The following EYS variants were observed in gnomAD, a reference collection of about 807,000 sequenced individuals.
EYS encodes the protein EGF-like photoreceptor maintenance factor.
A neutral mutation model predicts 282.1 loss-of-function variants in EYS; 250 were observed. That is an observed-to-expected ratio of 0.89 (90% CI 0.80 to 0.98). The LOEUF is 0.98. Among genes scored for constraint, EYS ranks in the 50% least tolerant of loss-of-function variants. The pLI is 0.00. For synonymous variants in EYS, 1,355 were observed against 1,282.9 expected (o/e 1.06, Z -1.20); for missense variants, 4,016 against 3,709.0 (o/e 1.08, Z -2.15).
chr6:65,456,536 T>A (rs1472234385), intron 5 of EYS, among the ~76,000 whole-genome samples: 1 of 152,056 alleles, frequency 6.6e-6, no homozygotes, highest in African/African-American at 2.4e-5. Flanking sequence ...ACAATTATTT[T>A]ATAATTATAA....
intron 28 of EYS, among the ~76,000 whole-genome samples, chr6:64,410,937 G>T (rs909981285): frequency 1.3e-5 from 2 of 152,122 alleles, no homozygotes; most frequent in East Asian, 1.9e-4. Context: ...AAAATTTTTA[G>T]TTGGGTAGTA....
At chr6:65,208,086 G>A (rs1267602261) in intron 12 of EYS, among the ~76,000 whole-genome samples, 1 of 151,544 alleles carries the variant, frequency 6.6e-6, no homozygotes, top group Non-Finnish European at 1.5e-5. Flanking sequence ...CCTGCAGAAT[G>A]GGAGAAAGTA....
At chr6:64,674,446 A>C (rs1349380790) in intron 22 of EYS, among the ~76,000 whole-genome samples, 2 of 152,076 alleles carry the variant, frequency 1.3e-5, no homozygotes, top group Non-Finnish European at 2.9e-5. Context: ...GGAAAAGTAC[A>C]ATTACTGTCA....
intron 2 of EYS, among the ~76,000 whole-genome samples, chr6:65,532,570 T>C (rs983480101): frequency 3.3e-5 from 5 of 152,072 alleles, no homozygotes; most frequent in African/African-American, 1.2e-4. Context: ...TCAAGCTAGG[T>C]ATAAAAATTG....
At chr6:65,001,952 A>G (rs1296946938) in intron 13 of EYS, among the ~76,000 whole-genome samples, 1 of 147,076 alleles carries the variant, frequency 6.8e-6, no homozygotes, top group Non-Finnish European at 1.5e-5. Flanking sequence ...TGGTTTCAAA[A>G]TTTTAATAGG....
intron 2 of EYS, among the ~76,000 whole-genome samples, chr6:65,610,520 G>A (rs181971698): frequency 4.6e-5 from 7 of 152,066 alleles, no homozygotes; most frequent in Admixed American, 2.0e-4. Context: ...GTCAAAAGGT[G>A]CATTTTTTCA....
chr6:64,345,294 C>T (rs1771338477), intron 29 of EYS, among the ~76,000 whole-genome samples: 1 of 152,146 alleles, frequency 6.6e-6, no homozygotes, highest in Non-Finnish European at 1.5e-5. Flanking sequence ...TACCTGACTT[C>T]AAACTATACT....
chr6:63,756,382 T>C (rs1436022757), intron 41 of EYS, among the ~76,000 whole-genome samples: 2 of 152,144 alleles, frequency 1.3e-5, no homozygotes, highest in Non-Finnish European at 2.9e-5. Flanking sequence ...TTTTGAGATA[T>C]TCATGTGGTT....
At chr6:65,054,488 G>A (rs1355189561) in intron 13 of EYS, among the ~76,000 whole-genome samples, 1 of 151,842 alleles carries the variant, frequency 6.6e-6, no homozygotes, top group African/African-American at 2.4e-5. Flanking sequence ...CATTCACGTG[G>A]TCTCATCTAC....
chr6:64,799,719 T>C (rs1166038190), intron 22 of EYS, among the ~76,000 whole-genome samples: 1 of 150,878 alleles, frequency 6.6e-6, no homozygotes, highest in Non-Finnish European at 1.5e-5. Context: ...TGTCTGTATC[T>C]CTCTATCTCA....
intron 35 of EYS, among the ~76,000 whole-genome samples, chr6:63,900,072 G>A (rs184847229): frequency 2.6e-5 from 4 of 152,126 alleles, no homozygotes; most frequent in Non-Finnish European, 4.4e-5. Context: ...GTAGAGCTAC[G>A]GTTTGCTTTG....
chr6:64,433,955 A>C (rs1461772642), intron 28 of EYS, among the ~76,000 whole-genome samples: 2 of 151,934 alleles, frequency 1.3e-5, no homozygotes, highest in African/African-American at 4.8e-5. Flanking sequence ...ATGCAAAATG[A>C]CTGCTATGGG....
At chr6:64,379,412 C>T (rs1772671148) in intron 29 of EYS, among the ~76,000 whole-genome samples, 2 of 152,092 alleles carry the variant, frequency 1.3e-5, no homozygotes, top group African/African-American at 4.8e-5. Flanking sequence ...CCATTTTTCC[C>T]TAACCACTTG....
chr6:64,617,702 C>A (rs1767319410), intron 23 of EYS, among the ~76,000 whole-genome samples, 169 bp from the exon 24 acceptor site: 1 of 152,114 alleles, frequency 6.6e-6, no homozygotes, highest in Admixed American at 6.6e-5. Flanking sequence ...AGCTCTTATT[C>A]TATCTCTATT....
chr6:64,493,590 G>C (rs1776799439), intron 26 of EYS, among the ~76,000 whole-genome samples: 1 of 151,488 alleles, frequency 6.6e-6, no homozygotes, highest in Non-Finnish European at 1.5e-5. Flanking sequence ...CAGTTTCTAA[G>C]AATGTTCTCC....
chr6:64,310,078 A>AAAAAAAAAAC (rs1554142131), intron 29 of EYS, among the ~76,000 whole-genome samples: 5 of 145,190 alleles, frequency 3.4e-5, no homozygotes, highest in African/African-American at 5.2e-5. Context: ...ATAAAAAAAA[A>AAAAAAAAAAC]AATAACAGAT....
At chr6:65,312,852 A>C (rs1769197640) in intron 11 of EYS, among the ~76,000 whole-genome samples, 1 of 151,998 alleles carries the variant, frequency 6.6e-6, no homozygotes. Context: ...ACCAGTTGTA[A>C]TATATGCCAA....
At chr6:64,668,867 G>C (rs911732392) in intron 22 of EYS, among the ~76,000 whole-genome samples, 1 of 151,816 alleles carries the variant, frequency 6.6e-6, no homozygotes, top group African/African-American at 2.4e-5. Context: ...ACACCTGGCC[G>C]CTAGTACCAT....
intron 28 of EYS, among the ~76,000 whole-genome samples, chr6:64,398,505 T>TACAC (rs3046625): frequency 6.6e-6 from 1 of 150,514 alleles, no homozygotes; most frequent in African/African-American, 2.4e-5. Flanking sequence ...TGTCAGGTTT[T>TACAC]ACACACACAC....
Sources: allele counts gnomAD v4.1 joint callset (sites outside exome capture counted in the v4.1 genomes callset), GRCh38; gene constraint gnomAD v4.1.1; transcripts MANE v1.5; gene names NCBI Gene and HGNC (gene_info 2026-07-23, HGNC 2026-07-21).